Variants in EPN2 observed in about 807,000 individuals in gnomAD.
The protein encoded by EPN2 is epsin 2.
In EPN2, 34 loss-of-function variants were observed where a neutral mutation model predicts 61.7. The ratio of observed to expected loss-of-function variants is 0.55; its 90% CI spans 0.42 to 0.73. The LOEUF (loss-of-function observed/expected upper bound fraction) is 0.73, where lower values mean the gene tolerates loss of function less well. EPN2 is among the 30% of genes least tolerant of loss of function. EPN2 has a pLI of 0.00. For missense variants in EPN2, 714 were observed against 839.2 expected (o/e 0.85, Z 1.84); for synonymous variants, 349 against 353.6 (o/e 0.99, Z 0.15).
chr17:19,241,353 A>G (rs1300760015), intron 1 of EPN2, among the ~76,000 whole-genome samples: 1 of 152,040 alleles, frequency 6.6e-6, no homozygotes, highest in Non-Finnish European at 1.5e-5. Flanking sequence ...GGGAGGCCAA[A>G]GCGGCCGGAT....
At chr17:19,329,003 TC>T in intron 8 of EPN2, 116 bp downstream of exon 8, 2 of 918,092 alleles carry the variant, frequency 2.2e-6, no homozygotes, top group East Asian at 2.7e-5. Flanking sequence ...GCTCCCCTCC[TC>T]CCCCTTAGCC....
At chr17:19,248,184 T>A (rs1321869396) in intron 1 of EPN2, among the ~76,000 whole-genome samples, 5 of 152,158 alleles carry the variant, frequency 3.3e-5, no homozygotes, top group Admixed American at 2.0e-4. Flanking sequence ...AGAATGACTG[T>A]GGATTGGCTG....
At chr17:19,279,503 A>G (rs561275525) in intron 1 of EPN2, among the ~76,000 whole-genome samples, 1 of 151,752 alleles carries the variant, frequency 6.6e-6, no homozygotes, top group Non-Finnish European at 1.5e-5. Context: ...CAGTGGCGCA[A>G]TCTCAGCTCA....
At chr17:19,273,671 A>G (rs1189172225) in intron 1 of EPN2, among the ~76,000 whole-genome samples, 2 of 152,216 alleles carry the variant, frequency 1.3e-5, no homozygotes, top group Non-Finnish European at 2.9e-5. Flanking sequence ...CTGATATAAA[A>G]TTTGATTTCT....
intron 1 of EPN2, among the ~76,000 whole-genome samples, chr17:19,270,549 C>G (rs895971219): frequency 2.6e-5 from 4 of 152,202 alleles, no homozygotes; most frequent in African/African-American, 9.7e-5. Context: ...TGGCAGGACA[C>G]AGTAGAGGAG....
chr17:19,294,902 A>G (rs1319118368), intron 4 of EPN2, among the ~76,000 whole-genome samples: 1 of 152,040 alleles, frequency 6.6e-6, no homozygotes, highest in African/African-American at 2.4e-5. Context: ...GTCTTTATTC[A>G]TGGATGCTCA....
At chr17:19,244,353 A>G (rs1405486861) in intron 1 of EPN2, among the ~76,000 whole-genome samples, 1 of 151,852 alleles carries the variant, frequency 6.6e-6, no homozygotes, top group Non-Finnish European at 1.5e-5. Context: ...CAACTACTCG[A>G]GAGGCTGAGG....
intron 1 of EPN2, among the ~76,000 whole-genome samples, chr17:19,247,375 G>A (rs1470298330): frequency 2.6e-5 from 4 of 152,188 alleles, no homozygotes; most frequent in Admixed American, 6.5e-5. Context: ...AGTTTGTTGA[G>A]CCATGATTTT....
Position 19,334,101 on chromosome 17 carries a change from C to G in EPN2, c.1773C>G (p.Ala591=), listed in dbSNP as rs762308725. 2.5e-6 allele frequency: 4 copies of G among 1,609,008 alleles called. No homozygotes were observed. The highest frequency in any genetic ancestry group is 3.4e-6 in the Non-Finnish European group (4 of 1,177,784). Residue 591 remains alanine (A), a synonymous_variant, in exon 11 of 11, where the codon GCC becomes GCG. Transcript: ENST00000314728. The surrounding 1 kb of genome is among the most constrained non-coding windows in gnomAD (Gnocchi z 4.9). The part of the protein sequence containing the change: ...PGPGVESMAV[A]SMTSAAPQPA... ...CAGGAGTGGAGTCCATGGCTGTGGC[C>G]TCGATGACCTCCGCGGCCCCACAGC...
At chr17:19,289,628 G>A (rs956743210) in intron 4 of EPN2, among the ~76,000 whole-genome samples, 1 of 152,026 alleles carries the variant, frequency 6.6e-6, no homozygotes, top group Non-Finnish European at 1.5e-5. Context: ...TCTGGAGTTG[G>A]GGGGAGAATT....
intron 1 of EPN2, among the ~76,000 whole-genome samples, chr17:19,242,773 G>C (rs766617010): frequency 1.3e-5 from 2 of 152,250 alleles, no homozygotes; most frequent in Non-Finnish European, 2.9e-5. Flanking sequence ...ACAGGGAAAA[G>C]TAGGCTCATC....
At chr17:19,281,693 G>A (rs2045360039) in intron 1 of EPN2, among the ~76,000 whole-genome samples, 1 of 152,116 alleles carries the variant, frequency 6.6e-6, no homozygotes, top group African/African-American at 2.4e-5. Context: ...TTCCTCACTT[G>A]TGTAGTGGGA....
intron 7 of EPN2, among the ~76,000 whole-genome samples, chr17:19,324,879 T>C (rs1906798933): frequency 6.6e-6 from 1 of 151,604 alleles, no homozygotes; most frequent in Non-Finnish European, 1.5e-5. Flanking sequence ...TGGCAAGAAA[T>C]TTTTTTAAGA....
At chr17:19,256,138 CAT>C in intron 1 of EPN2, among the ~76,000 whole-genome samples, 1 of 151,892 alleles carries the variant, frequency 6.6e-6, no homozygotes, top group Non-Finnish European at 1.5e-5. Flanking sequence ...GGGGTTTCAC[CAT>C]GTTAGCCAGG....
At chr17:19,263,320 GGGC>G (rs145669802) in intron 1 of EPN2, among the ~76,000 whole-genome samples, 6,069 of 152,234 alleles carry the variant, frequency 0.04, 507 homozygotes, top group East Asian at 0.26. Context: ...AAGAGAAGTG[GGGC>G]CCATCCCTGG....
rs761981544 is a variant in EPN2 at position 19,328,819 on chromosome 17, C to T, written c.1256C>T (p.Ser419Phe). 2.7e-5 allele frequency: 43 copies of T among 1,613,542 alleles called. No individual in the cohort carries two copies. The highest frequency in any genetic ancestry group is 3.2e-5 in the Non-Finnish European group (38 of 1,179,728). ...DPWAASQQPA[S>F]SAGKRASDAW... ...TGGGCAGCTTCACAGCAGCCTGCCTCCAGTGCTGGGAAAAGAGCTTCTGAC... is the reference window on the plus strand; with the variant it reads ...TGGGCAGCTTCACAGCAGCCTGCCTTCAGTGCTGGGAAAAGAGCTTCTGAC... The change falls in exon 8 of 11, where the codon TCC becomes TTC. Residue 419 changes from serine (S) to phenylalanine (F), a missense_variant. Ser to Phe is a radical substitution (Grantham distance 155). This residue lies in a region of EPN2 where 410 missense variants were observed against 421.8 expected (regional missense o/e 0.97). Coordinates refer to ENST00000314728, the MANE Select transcript of EPN2 (RefSeq NM_014964.5).
At chr17:19,333,411 G>A (rs899027452) in intron 10 of EPN2, among the ~76,000 whole-genome samples, 4 of 152,228 alleles carry the variant, frequency 2.6e-5, no homozygotes, top group African/African-American at 9.6e-5. Flanking sequence ...GTTGGTGCCA[G>A]CAGCGCACAC....
At position 19,310,046 on chromosome 17, in the gene EPN2, G is replaced by T. The variant is rs200526844; in HGVS notation, c.879+49G>T. ...ACTGCATTGACTGCCCATGCTCAGG[G>T]TGGAGTGTGGCTCACTGGGAAGAAG... On this transcript the variant is annotated intron_variant, in intron 5 of 10. Coordinates refer to ENST00000314728, the MANE Select transcript of EPN2 (RefSeq NM_014964.5). 7.3e-5 allele frequency: 98 copies of T among 1,334,042 alleles called. No individual in the cohort carries two copies. In the East Asian group the frequency reaches 2.2e-3, roughly 30 times the overall value. The allele number at this position is 1,334,042 out of a possible 1,614,324, so 82.6% of individuals were successfully genotyped here. A position where few individuals can be genotyped will look rare whatever the true frequency, so the allele number is the denominator to read the frequency against.
chr17:19,313,011 A>G, intron 6 of EPN2, 94 bp from the exon 7 acceptor site: 5 of 1,346,114 alleles, frequency 3.7e-6, no homozygotes, highest in Non-Finnish European at 5.1e-6. Flanking sequence ...CACTGGAGGA[A>G]GAGGCACAGG....
Sources: gnomAD v4.1 joint callset for allele counts (sites outside exome capture counted in the v4.1 genomes callset) on GRCh38, gnomAD v4.1.1 for gene constraint, gnomAD v4.1.1 regional missense constraint, Gnocchi (gnomAD v3.1) non-coding constraint, MANE v1.5 for transcripts, NCBI Gene and HGNC (gene_info 2026-07-23, HGNC 2026-07-21) for gene names.